The following KLF17 variants were observed in gnomAD, a reference collection of about 807,000 sequenced individuals.
KLF17 encodes the protein KLF transcription factor 17, also known as Krueppel-like factor 17.
Under a neutral mutation model 34.2 loss-of-function variants are expected in KLF17, and 31 were observed. The ratio of observed to expected loss-of-function variants is 0.91; its 90% CI spans 0.68 to 1.22. The LOEUF (loss-of-function observed/expected upper bound fraction) is 1.22, where lower values mean the gene tolerates loss of function less well. KLF17 is among the 50% of genes most tolerant of loss of function. KLF17 has a pLI of 0.00. For missense variants in KLF17, 478 were observed against 505.2 expected (o/e 0.95, Z 0.52); for synonymous variants, 179 against 186.7 (o/e 0.96, Z 0.34).
chr1:44,123,300 G>T (rs772045672), intron 1 of KLF17, among the ~76,000 whole-genome samples: 1 of 152,156 alleles, frequency 6.6e-6, no homozygotes, highest in African/African-American at 2.4e-5. Flanking sequence ...GGCCTCAAGC[G>T]ATCCACCTGC....
chr1:44,100,473 G>A, the KLF17 span, among the ~76,000 whole-genome samples: 16 of 152,024 alleles, frequency 1.1e-4, no homozygotes, highest in Admixed American at 9.2e-4. Context: ...AAAAATCTAA[G>A]AATGAGGGGG....
At position 44,129,794 on chromosome 1, in the gene KLF17, C is replaced by G; in HGVS notation, c.523C>G (p.Pro175Ala). The G allele has an allele frequency of 6.2e-7, 1 of 1,614,200 alleles. No homozygotes were observed. The highest frequency in any genetic ancestry group is 8.5e-7 in the Non-Finnish European group (1 of 1,180,038). Residue 175 changes from proline to alanine, a missense_variant, in exon 2 of 4, where the codon CCT (proline) becomes GCT (alanine). Coordinates refer to ENST00000372299, the MANE Select transcript of KLF17 (RefSeq NM_173484.4). ...GIPIMSHTGN[P>A]PVPYPGLSTV... ...CCCAATAATGTCCCACACTGGGAAC[C>G]CTCCAGTGCCTTACCCTGGCCTCTC...
the KLF17 span, among the ~76,000 whole-genome samples, chr1:44,070,239 T>A: frequency 1.3e-5 from 2 of 152,226 alleles, no homozygotes; most frequent in Non-Finnish European, 2.9e-5. Context: ...TGTAATTTTG[T>A]TACATTGATA....
At chr1:44,118,169 A>C (rs1347741911), upstream of KLF17, among the ~76,000 whole-genome samples, 1 of 152,162 alleles carries the variant, frequency 6.6e-6, no homozygotes, top group African/African-American at 2.4e-5. Context: ...ACCACCACCT[A>C]AAATTATAAT....
chr1:44,112,282 A>G, the KLF17 span, among the ~76,000 whole-genome samples: 1 of 152,156 alleles, frequency 6.6e-6, no homozygotes. Flanking sequence ...CTAAGCCTGT[A>G]CCTTCAAAAC....
the KLF17 span, among the ~76,000 whole-genome samples, chr1:44,099,853 G>GAAAGAAAGAAAGAAAGAAAGAAAA: frequency 5.0e-5 from 2 of 39,946 alleles, no homozygotes; most frequent in African/African-American, 9.4e-5. Flanking sequence ...AAGAAAGAAA[G>GAAAGAAAGAAAGAAAGAAAGAAAA]AAAGAAAGAA....
chr1:44,099,657 T>A, the KLF17 span, among the ~76,000 whole-genome samples: 1 of 149,572 alleles, frequency 6.7e-6, no homozygotes, highest in East Asian at 2.0e-4. Context: ...CTACTAAAAG[T>A]AGAAAAATTA....
chr1:44,117,770 C>T (rs1296108344), upstream of KLF17, among the ~76,000 whole-genome samples: 2 of 152,156 alleles, frequency 1.3e-5, no homozygotes, highest in Non-Finnish European at 2.9e-5. Flanking sequence ...GCTGGCGTTG[C>T]AGGCGTGAAC....
chr1:44,050,178 A>G, the KLF17 span, among the ~76,000 whole-genome samples: 1 of 152,232 alleles, frequency 6.6e-6, no homozygotes, highest in East Asian at 1.9e-4. Flanking sequence ...GCAATGATAA[A>G]AGTTATTTAC....
chr1:44,122,594 C>A lies in KLF17; in HGVS notation c.81+3606C>A. The A allele has an allele frequency of 2.8e-6, 2 of 718,162 alleles. 1 individual carries two copies. 44.5% of individuals were successfully genotyped at this position (718,162 alleles called of 1,614,324 possible). ...ACTGACCGACTGCAGTATGAATGGC[C>A]GTTTTTGGTTTTTTTTTTGAGATAG... On this transcript the variant is annotated intron_variant, in intron 1 of 3. Coordinates refer to ENST00000372299, the MANE Select transcript of KLF17 (RefSeq NM_173484.4).
the KLF17 span, among the ~76,000 whole-genome samples, chr1:44,097,457 G>C: frequency 6.6e-6 from 1 of 152,014 alleles, no homozygotes; most frequent in African/African-American, 2.4e-5. Context: ...ACTTTGGGTA[G>C]TATGGCCATT....
chr1:44,068,865 C>T, the KLF17 span, among the ~76,000 whole-genome samples: 1 of 152,178 alleles, frequency 6.6e-6, no homozygotes, highest in Admixed American at 6.5e-5. Context: ...TCCCCTGGCC[C>T]ATCCCCTGTT....
chr1:44,115,488 A>C (rs1046367967), upstream of KLF17: 9 of 151,606 alleles, frequency 5.9e-5, no homozygotes, highest in South Asian at 2.1e-4. Context: ...ACAAAAAAAA[A>C]ACAAAAACCA....
At chr1:44,127,197 C>T (rs565936845) in intron 1 of KLF17, among the ~76,000 whole-genome samples, 1 of 152,032 alleles carries the variant, frequency 6.6e-6, no homozygotes, top group Non-Finnish European at 1.5e-5. Context: ...GCATGAGCCA[C>T]TGTGCCTAGC....
chr1:44,054,453 C>G, the KLF17 span, among the ~76,000 whole-genome samples: 1 of 145,860 alleles, frequency 6.9e-6, no homozygotes, highest in South Asian at 2.2e-4. Flanking sequence ...TTGCTGGACT[C>G]TAGGCAAAAA....
the KLF17 span, among the ~76,000 whole-genome samples, chr1:44,064,066 C>T: frequency 6.6e-6 from 1 of 152,176 alleles, no homozygotes; most frequent in Non-Finnish European, 1.5e-5. Context: ...CCTAGCACAA[C>T]TGCCTATGTA....
At chr1:44,058,568 C>T in the KLF17 span, among the ~76,000 whole-genome samples, 3 of 149,498 alleles carry the variant, frequency 2.0e-5, no homozygotes, top group Non-Finnish European at 3.0e-5. Context: ...GGATTACAGG[C>T]GTGAGCCACC....
chr1:44,127,698 TTC>T (rs1158647965), intron 1 of KLF17, among the ~76,000 whole-genome samples: 4 of 137,746 alleles, frequency 2.9e-5, no homozygotes, highest in Admixed American at 1.5e-4. Flanking sequence ...TTCTTTTTCT[TTC>T]TTTCTTTCTT....
At chr1:44,118,534 C>T (rs1043022449), upstream of KLF17, among the ~76,000 whole-genome samples, 3 of 150,070 alleles carry the variant, frequency 2.0e-5, no homozygotes, top group African/African-American at 7.6e-5. Context: ...CTCCAGCCTC[C>T]TCCTGGCTGG....
Sources: gnomAD v4.1 joint callset for allele counts (sites outside exome capture counted in the v4.1 genomes callset) on GRCh38, gnomAD v4.1.1 for gene constraint, MANE v1.5 for transcripts, NCBI Gene and HGNC (gene_info 2026-07-23, HGNC 2026-07-21) for gene names.